The following MED14 variants were observed in gnomAD, a reference collection of about 807,000 sequenced individuals.
The protein encoded by MED14 is mediator of RNA polymerase II transcription subunit 14.
Under a neutral mutation model 109.0 loss-of-function variants are expected in MED14, and 8 were observed. The observed-to-expected ratio is 0.07, with a 90% confidence interval of 0.04 to 0.13. The LOEUF is 0.13. Ranked by LOEUF, MED14 falls within the 10% of genes least tolerant of loss-of-function variation. The probability of loss-of-function intolerance (pLI) is 1.00; values close to 1 mark genes in which losing one functional copy is unlikely to be tolerated. For missense variants in MED14, 711 were observed against 1,142.4 expected (o/e 0.62, Z 5.44); for synonymous variants, 399 against 408.7 (o/e 0.98, Z 0.29).
rs1929398302 is a variant in MED14, at chrX:40,664,265, G to A, written c.3448+42C>T. 5.2e-6 allele frequency: 6 copies of A among 1,145,115 alleles called. No homozygotes were observed. The East Asian group carries it at 1.9e-4, about 36-fold the overall frequency. The allele number at this position is 1,145,115 out of a possible 1,213,427, so 94.4% of individuals were successfully genotyped here. A position where few individuals can be genotyped will look rare whatever the true frequency, so the allele number is the denominator to read the frequency against. On this transcript the variant is annotated intron_variant, in intron 25 of 30. Transcript: ENST00000324817. ...GGATGCAACAAGATAGGTCACTTTGGGTTATACTAAAAAAGAACATAAAAA... is the reference window on the plus strand; with the variant it reads ...GGATGCAACAAGATAGGTCACTTTGAGTTATACTAAAAAAGAACATAAAAA...
At chrX:40,704,613 C>G (rs1037173990) in intron 10 of MED14, among the ~76,000 whole-genome samples, 2 of 112,385 alleles carry the variant, frequency 1.8e-5, no homozygotes, top group Non-Finnish European at 3.8e-5. Context: ...TGTATATTAT[C>G]TATATTCCTT....
In MED14 at chrX:40,687,772, C is replaced by A. The variant is rs150096468; in HGVS notation, c.2057+682G>T. On this transcript the variant is annotated intron_variant, in intron 16 of 30. Transcript: ENST00000324817. Reference sequence around the variant, plus strand: ...ATAACTGGTACTTCCTCAGGGATACCCTTCCTGACTTCTGAACTAGCCCAT... The same window carrying A: ...ATAACTGGTACTTCCTCAGGGATACACTTCCTGACTTCTGAACTAGCCCAT... 4.0e-3 allele frequency among the ~76,000 whole-genome samples: 444 copies of A among 111,758 alleles called. 3 individuals carry two copies. The highest frequency in any genetic ancestry group is 0.014 in the African/African-American group (427 of 30,720).
chrX:40,687,905 A>T, intron 16 of MED14, among the ~76,000 whole-genome samples: 1 of 112,291 alleles, frequency 8.9e-6, no homozygotes, highest in Non-Finnish European at 1.9e-5. Context: ...AGAAATGCAG[A>T]GAAAAGACAT....
Position 40,675,217 on chromosome X carries a change from T to C in MED14, c.3021+4A>G. The C allele has an allele frequency of 8.6e-7, 1 of 1,168,414 alleles. No homozygotes were observed. The highest frequency in any genetic ancestry group is 2.1e-5 in the South Asian group (1 of 46,923). On this transcript the variant is annotated splice_donor_region_variant and intron_variant, in intron 22 of 30. Coordinates refer to ENST00000324817, the MANE Select transcript of MED14 (RefSeq NM_004229.4). ...TACCACTTGGAATTCTGGCTAGATA[T>C]TACCTGTTGCTGGGGTGGTGGCTGG...
intron 1 of MED14, among the ~76,000 whole-genome samples, chrX:40,732,968 GTTCTGGTT>G (rs1476488661): frequency 9.0e-6 from 1 of 111,060 alleles, no homozygotes; most frequent in Non-Finnish European, 1.9e-5. Flanking sequence ...ATGACCACAT[GTTCTGGTT>G]TTCTGGTTTG....
rs1263498087 is a variant in MED14 at position 40,700,389 on chromosome X, AAAAT to A, written c.1490+772_1490+775del. ...AAAAAAAAAAAAAAAAAAAAAAAAA[AAAAT>A]TCATGCCCTGCTAATGAAAACATTA... On this transcript the variant is annotated intron_variant, in intron 12 of 30. Coordinates refer to ENST00000324817, the MANE Select transcript of MED14 (RefSeq NM_004229.4). Among the ~76,000 whole-genome samples, 66 of 100,619 alleles carry A rather than the reference AAAAT, an allele frequency of 6.6e-4. 2 individuals carry two copies. Among genetic ancestry groups the A allele is most frequent in the African/African-American group, 2.5e-3 (66 of 26,847 alleles). The allele number at this position is 100,619 out of a possible 115,157, so 87.4% of individuals were successfully genotyped here.
Position 40,735,488 on chromosome X carries a change from CG to C in MED14, c.-77del, listed in dbSNP as rs1169197520. On this transcript the variant is annotated 5_prime_UTR_variant, in exon 1 of 31. Coordinates refer to ENST00000324817, the MANE Select transcript of MED14 (RefSeq NM_004229.4). ...CCTCCCGGGCGCTCGGTCACCGCGC[CG>C]AAACGGGAGCGGGCAGAGTCGCCAC... 9 of 974,460 alleles carry C rather than the reference CG, an allele frequency of 9.2e-6. No homozygotes were observed. Among genetic ancestry groups the C allele is most frequent in the Non-Finnish European group, 1.3e-5 (9 of 708,813 alleles). The allele number at this position is 974,460 out of a possible 1,213,427, so 80.3% of individuals were successfully genotyped here. A position where few individuals can be genotyped will look rare whatever the true frequency, so the allele number is the denominator to read the frequency against.
chrX:40,676,651 G>A (rs960867478), intron 21 of MED14, among the ~76,000 whole-genome samples: 4 of 111,878 alleles, frequency 3.6e-5, no homozygotes, highest in African/African-American at 9.7e-5. Context: ...TGTAATCCCC[G>A]TGTTGAGAGA....
At chrX:40,680,715 G>C in intron 20 of MED14, 43 bp downstream of exon 20, 1 of 1,102,384 alleles carries the variant, frequency 9.1e-7, no homozygotes. Context: ...AGCACGGCTG[G>C]CATACTAAGT....
upstream of MED14, chrX:40,735,750 C>T (rs760736876): frequency 1.5e-5 from 6 of 396,077 alleles, no homozygotes; most frequent in South Asian, 1.5e-4. Flanking sequence ...GGAAGTCGAT[C>T]GGCAGAGCGG....
At position 40,651,455 on chromosome X, in the gene MED14, C is replaced by A. The variant is rs1397139593; in HGVS notation, c.*351G>T. On this transcript the variant is annotated 3_prime_UTR_variant, in exon 31 of 31. Transcript: ENST00000324817. Reference sequence around the variant, plus strand: ...CCTGCCTTAAAAAACAAAACAAAAACCAAAAAAGGACTATTACACCCAAAA... The same window carrying A: ...CCTGCCTTAAAAAACAAAACAAAAAACAAAAAAGGACTATTACACCCAAAA... 1.3e-6 allele frequency: 1 copy of A among 768,107 alleles called. No homozygotes were observed. Among genetic ancestry groups the A allele is most frequent in the Non-Finnish European group, 1.5e-6 (1 of 646,367 alleles). 63.3% of individuals were successfully genotyped at this position (768,107 alleles called of 1,213,427 possible).
chrX:40,649,813 TTAA>T lies in MED14; in HGVS notation c.*1990_*1992del. 8.8e-6 allele frequency: 7 copies of T among 794,747 alleles called. No individual in the cohort carries two copies. The highest frequency in any genetic ancestry group is 1.1e-5 in the Non-Finnish European group (7 of 658,125). The allele number at this position is 794,747 out of a possible 1,213,427, so 65.5% of individuals were successfully genotyped here. A position where few individuals can be genotyped will look rare whatever the true frequency, so the allele number is the denominator to read the frequency against. On this transcript the variant is annotated 3_prime_UTR_variant, in exon 31 of 31. Coordinates refer to ENST00000324817, the MANE Select transcript of MED14 (RefSeq NM_004229.4). Reference sequence around the variant, plus strand: ...AAAATTCAAATTCATGGGTTTACTCTTAATAAGCATCAAAAGCAAATTTTGCGC... The same window carrying T: ...AAAATTCAAATTCATGGGTTTACTCTTAAGCATCAAAAGCAAATTTTGCGC...
intron 3 of MED14, among the ~76,000 whole-genome samples, chrX:40,722,557 A>G (rs1400318872): frequency 9.0e-6 from 1 of 111,722 alleles, no homozygotes; most frequent in Non-Finnish European, 1.9e-5. Flanking sequence ...AAGTTTATTG[A>G]AAAGGATAAC....
At chrX:40,696,133 A>ATT (rs751400480) in intron 13 of MED14, among the ~76,000 whole-genome samples, 10 of 93,087 alleles carry the variant, frequency 1.1e-4, no homozygotes, top group Non-Finnish European at 1.3e-4. Flanking sequence ...ATATACAGAG[A>ATT]TTTTTTTTTT....
chrX:40,713,136 A>C, intron 5 of MED14, 94 bp from the exon 6 acceptor site: 1 of 873,922 alleles, frequency 1.1e-6, no homozygotes, highest in Non-Finnish European at 1.5e-6. Context: ...TACTTATAAA[A>C]ATTTTTAAAT....
chrX:40,714,117 G>C (rs1453549805), intron 4 of MED14, among the ~76,000 whole-genome samples: 2 of 111,364 alleles, frequency 1.8e-5, no homozygotes, highest in Non-Finnish European at 3.8e-5. Flanking sequence ...AATACAACAT[G>C]ACCTCCCTTA....
At chrX:40,675,014 C>G (rs755834589) in intron 22 of MED14, among the ~76,000 whole-genome samples, 5 of 112,619 alleles carry the variant, frequency 4.4e-5, no homozygotes, top group Non-Finnish European at 7.5e-5. Flanking sequence ...GTGTGAATGA[C>G]CTGAGATTAA....
At chrX:40,712,036 T>C (rs1931355690) in intron 7 of MED14, 150 bp downstream of exon 7, 2 of 385,289 alleles carry the variant, frequency 5.2e-6, no homozygotes, top group Non-Finnish European at 9.2e-6. Context: ...TCTTCACTAT[T>C]CTCCAGCCCT....
chrX:40,668,383 C>CAAAA (rs779386609), intron 23 of MED14, among the ~76,000 whole-genome samples: 9 of 43,278 alleles, frequency 2.1e-4, no homozygotes, highest in East Asian at 7.3e-4. Context: ...ACTCTGTCTC[C>CAAAA]AAAAAAAAAA....
Sources: allele counts gnomAD v4.1 joint callset (sites outside exome capture counted in the v4.1 genomes callset), GRCh38; gene constraint gnomAD v4.1.1; transcripts MANE v1.5; gene names NCBI Gene and HGNC (gene_info 2026-07-23, HGNC 2026-07-21).